ECPAS: variants seen among roughly 807,000 people sequenced by gnomAD.
ECPAS encodes the protein Ecm29 proteasome adaptor and scaffold, also known as proteasome adapter and scaffold protein ECM29.
A neutral mutation model predicts 255.1 loss-of-function variants in ECPAS; 70 were observed. The observed-to-expected ratio is 0.27, with a 90% CI of 0.23 to 0.33. The LOEUF (loss-of-function observed/expected upper bound fraction) is 0.33, where lower values mean the gene tolerates loss of function less well. ECPAS is among the 10% of genes least tolerant of loss of function. The probability of loss-of-function intolerance (pLI) is 1.00; values close to 1 mark genes in which losing one functional copy is unlikely to be tolerated. For synonymous variants in ECPAS, 784 were observed against 775.0 expected, an observed-to-expected ratio of 1.01 and a Z score of -0.19; for missense variants, 1,817 against 2,206.4, an observed-to-expected ratio of 0.82 and a Z score of 3.54.
chr9:111,392,965 T>C lies in ECPAS; in HGVS notation c.2978-83A>G, dbSNP rs534114967. ...TGAAATCAAAATTTTTAAAGTTATG[T>C]TGACACTGACCCAAAATGATATCAA... On this transcript the variant is annotated intron_variant, in intron 27 of 49. Transcript: ENST00000684092. 5 of 794,280 alleles carry C rather than the reference T, an allele frequency of 6.3e-6. No homozygotes were observed. In the East Asian group the frequency reaches 1.3e-4, roughly 21 times the overall value. The allele number at this position is 794,280 out of a possible 1,614,324, so 49.2% of individuals were successfully genotyped here.
chr9:111,452,741 A>T (rs1340929929), intron 2 of ECPAS, among the ~76,000 whole-genome samples: 1 of 152,218 alleles, frequency 6.6e-6, no homozygotes, highest in Non-Finnish European at 1.5e-5. Context: ...AGACAGACAG[A>T]TCAACAGATT....
Position 111,372,471 on chromosome 9 carries a change from C to T in ECPAS, c.4486G>A (p.Glu1496Lys), listed in dbSNP as rs772293983. Residue 1496 changes from glutamate to lysine, a missense_variant, in exon 42 of 50, where the codon GAA becomes AAA. Coordinates refer to ENST00000684092, the MANE Select transcript of ECPAS (RefSeq NM_001364929.1). The part of the protein sequence containing the change: ...IADEEKSEKE[E>K]CNLWTEVWQE... ...CACACTTCGGTCCATAAATTACATT[C>T]TTCTTTTTCGGATTTCTCCTCATCA... is the stretch of plus-strand genomic sequence containing the variant. 8.1e-6 allele frequency: 13 copies of T among 1,613,718 alleles called. No individual in the cohort carries two copies. The Admixed American group carries it at 1.8e-4, about 23-fold the overall frequency.
At chr9:111,445,166 T>C (rs2098251263) in intron 3 of ECPAS, among the ~76,000 whole-genome samples, 1 of 151,456 alleles carries the variant, frequency 6.6e-6, no homozygotes. Flanking sequence ...TGGCTAATTT[T>C]TGTATTCTAG....
intron 5 of ECPAS, among the ~76,000 whole-genome samples, chr9:111,441,631 T>C (rs2098246139): frequency 6.6e-6 from 1 of 152,242 alleles, no homozygotes; most frequent in African/African-American, 2.4e-5. Context: ...AGTAATTCCT[T>C]TCATTAACAC....
chr9:111,389,838 C>A, intron 30 of ECPAS, 115 bp from the exon 31 acceptor site: 3 of 1,212,758 alleles, frequency 2.5e-6, no homozygotes, highest in Non-Finnish European at 1.1e-6. Context: ...TTGGTCTTTC[C>A]AATCAACAGC....
intron 11 of ECPAS, 64 bp from the exon 12 acceptor site, chr9:111,425,560 T>A: frequency 8.3e-7 from 1 of 1,210,176 alleles, no homozygotes; most frequent in Non-Finnish European, 1.2e-6. Flanking sequence ...TCTTTACGGA[T>A]GATTACATAA....
chr9:111,418,049 A>T, intron 16 of ECPAS, 43 bp from the exon 17 acceptor site: 1 of 1,519,400 alleles, frequency 6.6e-7, no homozygotes, highest in African/African-American at 1.4e-5. Flanking sequence ...AAATGTCACC[A>T]ATGGGAAATG....
chr9:111,435,903 T>C (rs770525786), intron 7 of ECPAS, among the ~76,000 whole-genome samples: 51 of 149,212 alleles, frequency 3.4e-4, no homozygotes, highest in Non-Finnish European at 4.4e-5. Flanking sequence ...TTAGCCAGGA[T>C]GGTCTCGATC....
At chr9:111,381,496 CAT>C (rs1465044688) in intron 35 of ECPAS, among the ~76,000 whole-genome samples, 1 of 152,156 alleles carries the variant, frequency 6.6e-6, no homozygotes, top group East Asian at 1.9e-4. Flanking sequence ...CAAAATATGA[CAT>C]AGAGATATGA....
At chr9:111,403,360 G>GA (rs57484942) in intron 24 of ECPAS, among the ~76,000 whole-genome samples, 40 of 128,286 alleles carry the variant, frequency 3.1e-4, no homozygotes, top group Middle Eastern at 4.0e-3. Flanking sequence ...ATCTCCGAAA[G>GA]AAAAAAAAAA....
At chr9:111,433,120 T>C in intron 8 of ECPAS, 113 bp downstream of exon 8, 1 of 1,016,946 alleles carries the variant, frequency 9.8e-7, no homozygotes, top group South Asian at 1.6e-5. Context: ...TATTTAATAA[T>C]CTCCTCTAAG....
chr9:111,418,066 T>G, intron 16 of ECPAS, 60 bp from the exon 17 acceptor site: 1 of 1,468,684 alleles, frequency 6.8e-7, no homozygotes, highest in East Asian at 2.4e-5. Flanking sequence ...AATGATCATT[T>G]GAAGAATAAG....
chr9:111,435,073 A>G (rs2098235995), intron 7 of ECPAS, among the ~76,000 whole-genome samples: 1 of 147,964 alleles, frequency 6.8e-6, no homozygotes, highest in Admixed American at 6.7e-5. Flanking sequence ...TAATTTTTCT[A>G]TTTTTAATAG....
rs765810842 is a variant in ECPAS at position 111,428,034 on chromosome 9, C to G, written c.1050+8G>C. ...ACAGGCCAATATTCTCTGGAAAAAA[C>G]AAATTACCTGAATGTTGGCTGGGAA... On this transcript the variant is annotated splice_region_variant and intron_variant, in intron 10 of 49. Transcript: ENST00000684092. 6.2e-7 allele frequency: 1 copy of G among 1,611,252 alleles called. No homozygotes were observed. The highest frequency in any genetic ancestry group is 8.5e-7 in the Non-Finnish European group (1 of 1,178,942).
intron 35 of ECPAS, among the ~76,000 whole-genome samples, chr9:111,379,957 G>A (rs1253003488): frequency 6.6e-6 from 1 of 152,102 alleles, no homozygotes; most frequent in East Asian, 1.9e-4. Flanking sequence ...CATGAAAGTT[G>A]GAATCAACTT....
chr9:111,416,095 T>G (rs192824004), intron 18 of ECPAS, among the ~76,000 whole-genome samples, 177 bp downstream of exon 18: 1 of 152,292 alleles, frequency 6.6e-6, no homozygotes, highest in Admixed American at 6.5e-5. Flanking sequence ...TCACTATGAA[T>G]TAAAATAATA....
intron 6 of ECPAS, among the ~76,000 whole-genome samples, chr9:111,439,150 G>C (rs527303262): frequency 6.6e-6 from 1 of 152,200 alleles, no homozygotes; most frequent in Non-Finnish European, 1.5e-5. Flanking sequence ...CCATATAGGC[G>C]GGTGTTTTGT....
At chr9:111,384,104 T>C (rs2098144064) in intron 34 of ECPAS, among the ~76,000 whole-genome samples, 1 of 152,168 alleles carries the variant, frequency 6.6e-6, no homozygotes, top group Admixed American at 6.5e-5. Flanking sequence ...TGGCAAGGTT[T>C]GTGCAACTAG....
chr9:111,426,529 A>T (rs1403909660), intron 10 of ECPAS, among the ~76,000 whole-genome samples: 5 of 152,076 alleles, frequency 3.3e-5, no homozygotes, highest in Non-Finnish European at 7.4e-5. Context: ...ACAAGCACTC[A>T]ATCTTGTTGA....
Sources: gnomAD v4.1 joint callset for allele counts (sites outside exome capture counted in the v4.1 genomes callset) on GRCh38, gnomAD v4.1.1 for gene constraint, MANE v1.5 for transcripts, NCBI Gene and HGNC (gene_info 2026-07-23, HGNC 2026-07-21) for gene names.